CACNA1E: variants seen among roughly 807,000 people sequenced by gnomAD.
CACNA1E encodes the protein voltage-dependent R-type calcium channel subunit alpha-1E.
A neutral mutation model predicts 259.2 loss-of-function variants in CACNA1E; 40 were observed. The ratio of observed to expected loss-of-function variants is 0.15; its 90% CI spans 0.12 to 0.20. The LOEUF is 0.20. CACNA1E is among the 10% of genes least tolerant of loss of function. The pLI is 1.00. For missense variants in CACNA1E, 1,874 were observed against 3,040.1 expected (o/e 0.62, Z 9.02); for synonymous variants, 1,104 against 1,138.5 (o/e 0.97, Z 0.61).
intron 1 of CACNA1E, among the ~76,000 whole-genome samples, chr1:181,391,941 C>CTGTGTGTGTGTGTG (rs1168690866): frequency 1.4e-4 from 16 of 116,886 alleles, no homozygotes; most frequent in African/African-American, 5.6e-4. Flanking sequence ...CTCTCTCTCT[C>CTGTGTGTGTGTGTG]TCTCTGTGTG....
rs149770305 is a variant in CACNA1E at position 181,707,610 on chromosome 1, AT to A, written c.1056-3341del. ...GACATACCCCATTCTTCATAGTCTA[AT>A]TTACACTGATTATAGTGGAGTCAAA... On this transcript the variant is annotated intron_variant, in intron 7 of 47. Transcript: ENST00000367573. 6.6e-3 allele frequency among the ~76,000 whole-genome samples: 1,000 copies of A among 152,250 alleles called. 13 individuals are homozygous for A. Among genetic ancestry groups the A allele is most frequent in the African/African-American group, 0.023 (961 of 41,540 alleles).
chr1:181,541,275 A>G (rs1287072016), intron 3 of CACNA1E, among the ~76,000 whole-genome samples: 2 of 152,208 alleles, frequency 1.3e-5, no homozygotes, highest in African/African-American at 2.4e-5. Flanking sequence ...GAAATGTTGT[A>G]CTTTCCATTT....
At chr1:181,645,549 A>G (rs1658189128) in intron 6 of CACNA1E, among the ~76,000 whole-genome samples, 1 of 152,006 alleles carries the variant, frequency 6.6e-6, no homozygotes, top group South Asian at 2.1e-4. Context: ...CTGCTGTCTC[A>G]GCGAAGGTAG....
At chr1:181,436,753 TTTAG>T (rs1342185987) in intron 2 of CACNA1E, among the ~76,000 whole-genome samples, 2 of 131,972 alleles carry the variant, frequency 1.5e-5, no homozygotes, top group East Asian at 2.0e-4. Context: ...GGTACAACAT[TTTAG>T]TTAGACAGGA....
rs760975849 is a variant in CACNA1E, at chr1:181,720,222, C to T, written c.1768C>T (p.Arg590Trp). 10 of 1,613,916 alleles carry T rather than the reference C, an allele frequency of 6.2e-6. No homozygotes were observed. The highest frequency in any genetic ancestry group is 7.6e-6 in the Non-Finnish European group (9 of 1,179,840). The change falls in exon 14 of 48, where the codon CGG becomes TGG. Residue 590 changes from arginine (R) to tryptophan (W), a missense_variant. By Grantham distance (101) the Arg-to-Trp change is moderately radical. Coordinates refer to ENST00000367573, the MANE Select transcript of CACNA1E (RefSeq NM_001205293.3). Reference sequence around the variant, plus strand: ...GTTTTGTAGGTATTGGGCTTCCCTACGGAATTTGGTGGTCTCCTTGATGAG... The same window carrying T: ...GTTTTGTAGGTATTGGGCTTCCCTATGGAATTTGGTGGTCTCCTTGATGAG... ...FKITKYWASLRNLVVSLMSSM... is the reference protein window; with the variant it reads ...FKITKYWASLWNLVVSLMSSM...
intron 6 of CACNA1E, among the ~76,000 whole-genome samples, chr1:181,591,248 T>C (rs1399861054): frequency 6.6e-6 from 1 of 152,268 alleles, no homozygotes; most frequent in African/African-American, 2.4e-5. Flanking sequence ...TTGCTATCTC[T>C]GCATTTATTT....
chr1:181,703,192 A>C (rs1289167224), intron 7 of CACNA1E, among the ~76,000 whole-genome samples: 1 of 152,228 alleles, frequency 6.6e-6, no homozygotes, highest in Non-Finnish European at 1.5e-5. Flanking sequence ...AATATATAAA[A>C]TAAAGGCCTT....
chr1:181,781,438 A>G lies in CACNA1E; in HGVS notation c.5279A>G (p.His1760Arg), dbSNP rs766192834. 14 of 1,579,542 alleles carry G rather than the reference A, an allele frequency of 8.9e-6. No individual in the cohort carries two copies. Among genetic ancestry groups the G allele is most frequent in the Non-Finnish European group, 1.2e-5 (14 of 1,157,036 alleles). Residue 1760 changes from histidine (H) to arginine (R), a missense_variant, in exon 39 of 48, where the codon CAT (histidine) becomes CGT (arginine). By Grantham distance (29) the His-to-Arg change is conservative (BLOSUM62 0). Transcript: ENST00000367573. ...CCCTCCATGAGCAGTGGCCGCATCC[A>G]TTACACTGAGATGTATGAAATGCTG... ...EYDRAACGRI[H>R]YTEMYEMLTL...
intron 2 of CACNA1E, among the ~76,000 whole-genome samples, chr1:181,450,656 C>G (rs528741949): frequency 6.6e-6 from 1 of 152,058 alleles, no homozygotes; most frequent in African/African-American, 2.4e-5. Context: ...AACTAAAAAA[C>G]GAGATAATAA....
At chr1:181,582,525 G>A (rs912295632) in intron 6 of CACNA1E, among the ~76,000 whole-genome samples, 4 of 152,354 alleles carry the variant, frequency 2.6e-5, no homozygotes, top group African/African-American at 9.6e-5. Context: ...TTGAAAGCCT[G>A]AAAGGAGAAG....
Position 181,794,871 on chromosome 1 carries a change from C to G in CACNA1E, c.6035C>G (p.Thr2012Arg), listed in dbSNP as rs376772306. 246 of 1,609,720 alleles carry G rather than the reference C, an allele frequency of 1.5e-4. No homozygotes were observed. The highest frequency in any genetic ancestry group is 2.0e-4 in the Non-Finnish European group (237 of 1,177,752). ...GGGGGCTTGTATTTCCAGGTGGTGA[C>G]AGACCCTAGCTCCATGAGACGTTCA... ...PRLTVDPQVV[T>R]DPSSMRRSFS... The change falls in exon 46 of 48, where the codon ACA (threonine) becomes AGA (arginine). Residue 2012 changes from threonine to arginine, a missense_variant. Coordinates refer to ENST00000367573, the MANE Select transcript of CACNA1E (RefSeq NM_001205293.3).
chr1:181,739,028 T>C, intron 24 of CACNA1E, 119 bp from the exon 25 acceptor site: 1 of 747,156 alleles, frequency 1.3e-6, no homozygotes, highest in Non-Finnish European at 2.4e-6. Context: ...CTCCAGGTCC[T>C]AGCATAGGGT....
intron 1 of CACNA1E, among the ~76,000 whole-genome samples, chr1:181,410,848 T>C (rs192278915): frequency 6.6e-6 from 1 of 152,176 alleles, no homozygotes; most frequent in Non-Finnish European, 1.5e-5. Context: ...ATTGAAATAG[T>C]CTTTGTTTTT....
intron 2 of CACNA1E, among the ~76,000 whole-genome samples, chr1:181,475,406 C>T (rs757758473): frequency 1.3e-5 from 2 of 152,146 alleles, no homozygotes; most frequent in African/African-American, 2.4e-5. Context: ...ATAGGAGGTA[C>T]AGGTCAGTGT....
chr1:181,674,029 T>C (rs1261456338), intron 7 of CACNA1E, among the ~76,000 whole-genome samples: 1 of 151,810 alleles, frequency 6.6e-6, no homozygotes, highest in African/African-American at 2.4e-5. Flanking sequence ...AGTCTGGAGC[T>C]TTTATGACCT....
At chr1:181,374,471 A>T (rs60772157) in intron 1 of CACNA1E, among the ~76,000 whole-genome samples, 1 of 132,892 alleles carries the variant, frequency 7.5e-6, no homozygotes, top group African/African-American at 2.8e-5. Context: ...AGAAAAAAAA[A>T]ATTTTTTTTG....
intron 1 of CACNA1E, among the ~76,000 whole-genome samples, chr1:181,329,980 T>G (rs112877520): frequency 1.7e-3 from 254 of 152,320 alleles, no homozygotes; most frequent in Middle Eastern, 0.01. Flanking sequence ...GAATGGGTCT[T>G]GCAGGGATTT....
chr1:181,803,691 A>T lies in CACNA1E; in HGVS notation c.*4857A>T, dbSNP rs944320554. 1.3e-5 allele frequency: 2 copies of T among 152,266 alleles called. No homozygotes were observed. The highest frequency in any genetic ancestry group is 4.8e-5 in the African/African-American group (2 of 41,446). 9.4% of individuals were successfully genotyped at this position (152,266 alleles called of 1,614,324 possible). ...CTTTAAGGGACAAAGGACAAACAGA[A>T]CTATCTTTGCTTTCCGGAGGCCATC... is the stretch of plus-strand genomic sequence containing the variant. On this transcript the variant is annotated 3_prime_UTR_variant, in exon 48 of 48. Coordinates refer to ENST00000367573, the MANE Select transcript of CACNA1E (RefSeq NM_001205293.3).
chr1:181,386,392 C>T (rs1655850019), intron 1 of CACNA1E, among the ~76,000 whole-genome samples: 2 of 152,140 alleles, frequency 1.3e-5, no homozygotes, highest in South Asian at 2.1e-4. Context: ...GTGGCTGGCA[C>T]ACATCACATG....
Sources: gnomAD v4.1 joint callset for allele counts (sites outside exome capture counted in the v4.1 genomes callset) on GRCh38, gnomAD v4.1.1 for gene constraint, MANE v1.5 for transcripts, NCBI Gene and HGNC (gene_info 2026-07-23, HGNC 2026-07-21) for gene names.